Variants in DCHS2 observed in about 807,000 individuals in gnomAD.
DCHS2 encodes the protein dachsous cadherin-related 2, also known as protocadherin-23.
In DCHS2, 142 loss-of-function variants were observed where a neutral mutation model predicts 182.4. The ratio of observed to expected loss-of-function variants is 0.78; its 90% CI spans 0.68 to 0.89. The LOEUF is 0.89. Among genes scored for constraint, DCHS2 ranks in the 40% least tolerant of loss-of-function variants. The probability of loss-of-function intolerance (pLI) is 0.00; values close to 1 mark genes in which losing one functional copy is unlikely to be tolerated. For synonymous variants in DCHS2, 1,740 were observed against 1,663.3 expected (o/e 1.05, Z -1.12); for missense variants, 4,319 against 4,198.6 (o/e 1.03, Z -0.79).
intron 1 of DCHS2, among the ~76,000 whole-genome samples, chr4:154,384,620 C>T (rs55809190): frequency 0.027 from 4,118 of 152,276 alleles, 78 homozygotes; most frequent in Non-Finnish European, 0.041. Context: ...AGAGGAGAAT[C>T]TTATCCTTGC....
intron 1 of DCHS2, among the ~76,000 whole-genome samples, chr4:154,405,234 G>C (rs1310914555): frequency 6.6e-6 from 1 of 151,970 alleles, no homozygotes; most frequent in South Asian, 2.1e-4. Context: ...CTGGGCAACA[G>C]AGCAAAACTC....
chr4:154,254,743 A>G (rs1732564035), intron 16 of DCHS2, among the ~76,000 whole-genome samples: 1 of 152,146 alleles, frequency 6.6e-6, no homozygotes, highest in South Asian at 2.1e-4. Flanking sequence ...AGGCTGAGGC[A>G]GGAGAATTGC....
At chr4:154,254,003 T>C (rs1289136470) in intron 16 of DCHS2, among the ~76,000 whole-genome samples, 2 of 152,228 alleles carry the variant, frequency 1.3e-5, no homozygotes, top group African/African-American at 4.8e-5. Context: ...AGAAGCAGAA[T>C]ACTTAAGTGC....
chr4:154,487,976 G>A (rs553295727), intron 1 of DCHS2, among the ~76,000 whole-genome samples: 96 of 152,158 alleles, frequency 6.3e-4, no homozygotes, highest in Non-Finnish European at 5.7e-4. Context: ...CCAGGAGTTC[G>A]AGACCAGCCT....
chr4:154,491,425 G>A lies in DCHS2; in HGVS notation c.-70C>T. ...TGTGGCAGGATCGCAGAAAAATCCA[G>A]GAGCCTCTTCAGTGTCTGAGCCAGA... On this transcript the variant is annotated 5_prime_UTR_variant, in exon 1 of 20. Coordinates refer to ENST00000357232, the MANE Select transcript of DCHS2 (RefSeq NM_001358235.2). 2.8e-6 allele frequency: 4 copies of A among 1,442,694 alleles called. No individual in the cohort carries two copies. The highest frequency in any genetic ancestry group is 3.6e-6 in the Non-Finnish European group (4 of 1,099,188). The allele number at this position is 1,442,694 out of a possible 1,614,324, so 89.4% of individuals were successfully genotyped here.
chr4:154,329,526 C>T lies in DCHS2; in HGVS notation c.3915G>A (p.Val1305=), dbSNP rs370438975. Residue 1305 remains valine (V), a synonymous_variant, in exon 6 of 20, where the codon GTG becomes GTA. Coordinates refer to ENST00000357232, the MANE Select transcript of DCHS2 (RefSeq NM_001358235.2). ...ATTGCAAGGTTTCTTCACAAACCTT[C>T]ACGTGTAACTCCTTTCCAGGGAGAC... ...PQCLPGKELH[V]KVLEGQPVNM... is the part of the protein sequence containing the mutation. 43 of 1,612,454 alleles carry T rather than the reference C, an allele frequency of 2.7e-5. No homozygotes were observed. Among genetic ancestry groups the T allele is most frequent in the Non-Finnish European group, 3.6e-5 (42 of 1,178,918 alleles).
intron 1 of DCHS2, among the ~76,000 whole-genome samples, chr4:154,483,037 T>G (rs145268520): frequency 6.6e-6 from 1 of 152,312 alleles, no homozygotes; most frequent in Non-Finnish European, 1.5e-5. Context: ...TAAATTCTAC[T>G]CTAAGTAGAC....
chr4:154,235,314 T>G lies in DCHS2; in HGVS notation c.9338A>C (p.His3113Pro), dbSNP rs1301985012. 2.5e-6 allele frequency: 4 copies of G among 1,614,002 alleles called. No individual in the cohort carries two copies. In the African/African-American group the frequency reaches 5.3e-5, roughly 22 times the overall value. Residue 3113 changes from histidine (H) to proline (P), a missense_variant, in exon 20 of 20, where the codon CAT (histidine) becomes CCT (proline). Transcript: ENST00000357232. Reference protein sequence around the residue: ...EDKEIQRINEHPYRKCSDSAL... With the variant: ...EDKEIQRINEPPYRKCSDSAL... ...TGAGTCTGAGCACTTTCTGTAGGGATGCTCATTTATCCTCTGGATTTCCTT... is the reference window on the plus strand; with the variant it reads ...TGAGTCTGAGCACTTTCTGTAGGGAGGCTCATTTATCCTCTGGATTTCCTT...
At chr4:154,302,534 A>C (rs1219453381) in intron 12 of DCHS2, among the ~76,000 whole-genome samples, 1 of 151,974 alleles carries the variant, frequency 6.6e-6, no homozygotes, top group African/African-American at 2.4e-5. Flanking sequence ...CTCCTCTATC[A>C]CCTTTGCTGT....
rs1728815932 is a variant in DCHS2, at chr4:154,491,081, GC to G, written c.274del (p.Ala92ProfsTer69). On this transcript the variant is annotated frameshift_variant, in exon 1 of 20. Coordinates refer to ENST00000357232, the MANE Select transcript of DCHS2 (RefSeq NM_001358235.2). LOFTEE classifies it high-confidence loss of function. ...LVGDIRAGLPAAQQQEGSGFF... is the reference protein window; with the variant it reads ...LVGDIRAGLPXAQQQEGSGFF... ...GCCGCTCCCCTCCTGCTGCTGCGCG[GC>G]CGGCAGCCCGGCGCGGATGTCACCT... 3.2e-6 allele frequency: 5 copies of G among 1,551,326 alleles called. No individual in the cohort carries two copies. Among genetic ancestry groups the G allele is most frequent in the Non-Finnish European group, 4.4e-6 (5 of 1,146,928 alleles).
chr4:154,318,490 A>G (rs1735939607), intron 9 of DCHS2, among the ~76,000 whole-genome samples: 1 of 152,058 alleles, frequency 6.6e-6, no homozygotes, highest in South Asian at 2.1e-4. Context: ...CTCCACCAAA[A>G]AACTGTTAGA....
At chr4:154,387,073 G>C (rs562244489) in intron 1 of DCHS2, among the ~76,000 whole-genome samples, 13 of 152,292 alleles carry the variant, frequency 8.5e-5, no homozygotes, top group African/African-American at 3.1e-4. Context: ...TGTATGTTAA[G>C]AGAGACTCTC....
chr4:154,258,125 C>T (rs527629539), intron 15 of DCHS2, among the ~76,000 whole-genome samples: 1 of 152,300 alleles, frequency 6.6e-6, no homozygotes, highest in African/African-American at 2.4e-5. Context: ...TCTGAAACAT[C>T]TCAGTCATGG....
At chr4:154,411,686 T>C (rs1732639984) in intron 1 of DCHS2, among the ~76,000 whole-genome samples, 2 of 152,196 alleles carry the variant, frequency 1.3e-5, no homozygotes, top group South Asian at 4.1e-4. Context: ...ATATTCAGGA[T>C]ATTTGCTAAA....
intron 3 of DCHS2, among the ~76,000 whole-genome samples, chr4:154,336,767 C>T (rs898233959): frequency 6.6e-5 from 10 of 152,252 alleles, no homozygotes; most frequent in Non-Finnish European, 1.3e-4. Flanking sequence ...AATAAAATTA[C>T]ATATGTTTAA....
At chr4:154,310,506 A>T (rs1426528191) in intron 10 of DCHS2, among the ~76,000 whole-genome samples, 5 of 152,202 alleles carry the variant, frequency 3.3e-5, no homozygotes, top group Non-Finnish European at 5.9e-5. Context: ...CATGTATGAC[A>T]TGCTCACCAA....
intron 3 of DCHS2, among the ~76,000 whole-genome samples, chr4:154,346,646 T>A (rs1578992316): frequency 6.6e-6 from 1 of 151,926 alleles, no homozygotes; most frequent in South Asian, 2.1e-4. Context: ...TAAAGTCGAA[T>A]TCCTGGAACC....
chr4:154,264,639 T>A (rs1002620340), intron 14 of DCHS2, among the ~76,000 whole-genome samples: 2 of 152,146 alleles, frequency 1.3e-5, no homozygotes, highest in African/African-American at 4.8e-5. Flanking sequence ...TATCTTAATA[T>A]GATGAGATAA....
intron 1 of DCHS2, among the ~76,000 whole-genome samples, chr4:154,404,589 T>C (rs1732322272): frequency 6.6e-6 from 1 of 152,242 alleles, no homozygotes; most frequent in Non-Finnish European, 1.5e-5. Context: ...TACTTTTGCC[T>C]ACTTGACCAA....
Sources: allele counts gnomAD v4.1 joint callset (sites outside exome capture counted in the v4.1 genomes callset), GRCh38; gene constraint gnomAD v4.1.1; transcripts MANE v1.5; gene names NCBI Gene and HGNC (gene_info 2026-07-23, HGNC 2026-07-21).